PRKG1: variants seen among roughly 807,000 people sequenced by gnomAD.
PRKG1 encodes cGMP-dependent protein kinase 1.
PRKG1 carries 35 observed loss-of-function variants against 88.1 expected under a neutral mutation model. That is an observed-to-expected ratio of 0.40 (90% CI 0.30 to 0.53). The LOEUF (loss-of-function observed/expected upper bound fraction) is 0.53, where lower values mean the gene tolerates loss of function less well. Ranked by LOEUF, PRKG1 falls within the 20% of genes least tolerant of loss-of-function variation. The pLI, the probability that PRKG1 is intolerant of heterozygous loss-of-function variation, is 0.59. For missense variants in PRKG1, 540 were observed against 839.8 expected (o/e 0.64, Z 4.41); for synonymous variants, 303 against 292.5 (o/e 1.04, Z -0.37).
chr10:52,042,666 AT>A (rs1411511318), intron 5 of PRKG1, among the ~76,000 whole-genome samples: 2 of 152,166 alleles, frequency 1.3e-5, no homozygotes, highest in African/African-American at 2.4e-5. Context: ...GATCTGGGCA[AT>A]AATTTTTTAG....
At position 52,053,412 on chromosome 10, in the gene PRKG1, T is replaced by C. The variant is rs576701063; in HGVS notation, c.763-1072T>C. Among the ~76,000 whole-genome samples the C allele has an allele frequency of 1.6e-4, 24 of 152,312 alleles. No homozygotes were observed. The South Asian group carries it at 5.0e-3, about 32-fold the overall frequency. ...GCACTTTATGTGTTAAGAAAAACTG[T>C]ATTGAAGCATAAGGACAAATAACAA... On this transcript the variant is annotated intron_variant, in intron 5 of 17. Transcript: ENST00000373980.
chr10:51,003,442 C>T (rs1283537082), intron 1 of PRKG1, among the ~76,000 whole-genome samples: 2 of 152,130 alleles, frequency 1.3e-5, no homozygotes, highest in African/African-American at 4.8e-5. Flanking sequence ...AATCTCTGGG[C>T]TTCTTGATAT....
At chr10:51,711,984 T>C (rs1409604651) in intron 3 of PRKG1, among the ~76,000 whole-genome samples, 1 of 152,156 alleles carries the variant, frequency 6.6e-6, no homozygotes, top group African/African-American at 2.4e-5. Context: ...GGCTGAGGTT[T>C]CTATAATAAA....
chr10:51,689,960 CCTGAG>C (rs2132388448), intron 3 of PRKG1, among the ~76,000 whole-genome samples: 1 of 152,092 alleles, frequency 6.6e-6, no homozygotes, highest in East Asian at 1.9e-4. Flanking sequence ...TAAAGAAATA[CCTGAG>C]ATGGGGTAAT....
At chr10:51,509,570 C>T (rs1402095309) in intron 3 of PRKG1, among the ~76,000 whole-genome samples, 1 of 151,756 alleles carries the variant, frequency 6.6e-6, no homozygotes, top group African/African-American at 2.4e-5. Flanking sequence ...GAGATGGGGT[C>T]TCACTCTGTT....
Position 51,837,796 on chromosome 10 carries a change from G to A in PRKG1, c.698+33106G>A, listed in dbSNP as rs550154393. On this transcript the variant is annotated intron_variant, in intron 4 of 17. Coordinates refer to ENST00000373980, the MANE Select transcript of PRKG1 (RefSeq NM_006258.4). ...TCCATAACCCAATGCTTGGGCCCTA[G>A]TATACTCAGAGCAAATACTGATTAG... Among the ~76,000 whole-genome samples the A allele has an allele frequency of 3.9e-5, 6 of 152,260 alleles. No homozygotes were observed. The East Asian group carries it at 9.7e-4, about 25-fold the overall frequency.
chr10:51,055,912 TTCCTCTTGATTC>T (rs1189659260), intron 1 of PRKG1, among the ~76,000 whole-genome samples: 4 of 152,184 alleles, frequency 2.6e-5, no homozygotes, highest in African/African-American at 9.7e-5. Flanking sequence ...CTCCTTTTCT[TTCCTCTTGATTC>T]TACATTACTT....
chr10:51,161,343 T>C (rs1023052851), intron 2 of PRKG1, among the ~76,000 whole-genome samples: 5 of 152,182 alleles, frequency 3.3e-5, no homozygotes, highest in African/African-American at 1.2e-4. Flanking sequence ...TAAAACATCA[T>C]TATTGAAAAA....
intron 2 of PRKG1, among the ~76,000 whole-genome samples, chr10:51,427,446 G>C (rs1347037465): frequency 6.6e-6 from 1 of 152,112 alleles, no homozygotes; most frequent in Non-Finnish European, 1.5e-5. Flanking sequence ...TCACCAAAAG[G>C]CATGTGTGCT....
intron 3 of PRKG1, among the ~76,000 whole-genome samples, chr10:51,664,984 GA>G (rs953770783): frequency 6.6e-6 from 1 of 152,054 alleles, no homozygotes; most frequent in African/African-American, 2.4e-5. Context: ...TCATGGTTGG[GA>G]ACAGCAAATT....
chr10:51,295,576 A>C (rs1274952350), intron 2 of PRKG1, among the ~76,000 whole-genome samples: 1 of 152,018 alleles, frequency 6.6e-6, no homozygotes, highest in African/African-American at 2.4e-5. Context: ...TGTCATCTGC[A>C]AACAGAGATA....
At chr10:51,173,309 G>A (rs1365998632) in intron 2 of PRKG1, among the ~76,000 whole-genome samples, 1 of 151,910 alleles carries the variant, frequency 6.6e-6, no homozygotes, top group Non-Finnish European at 1.5e-5. Context: ...TAAAACTTCT[G>A]TTGAAGTATA....
At position 51,201,504 on chromosome 10, in the gene PRKG1, G is replaced by A. The variant is rs138979253; in HGVS notation, c.478+48174G>A. Among the ~76,000 whole-genome samples the A allele has an allele frequency of 2.0e-5, 3 of 152,134 alleles. No individual in the cohort carries two copies. In the East Asian group the frequency reaches 5.8e-4, roughly 29 times the overall value. ...GGAAAATGTAATATATCAAAGCCAT[G>A]TATTTTTATTTGTGTTTGTTCATTT... is the stretch of plus-strand genomic sequence containing the variant. On this transcript the variant is annotated intron_variant, in intron 2 of 17. Coordinates refer to ENST00000373980, the MANE Select transcript of PRKG1 (RefSeq NM_006258.4).
At chr10:51,049,983 C>T (rs999020680) in intron 1 of PRKG1, among the ~76,000 whole-genome samples, 6 of 152,052 alleles carry the variant, frequency 3.9e-5, no homozygotes, top group African/African-American at 1.4e-4. Context: ...CGTGTGGAAA[C>T]TCCAGTTTCC....
At chr10:51,539,815 T>C (rs904815506) in intron 3 of PRKG1, among the ~76,000 whole-genome samples, 3 of 152,170 alleles carry the variant, frequency 2.0e-5, no homozygotes, top group African/African-American at 7.2e-5. Flanking sequence ...GACTAGTTTG[T>C]TGATTACCTG....
intron 1 of PRKG1, among the ~76,000 whole-genome samples, chr10:51,047,586 CTT>C (rs1236829148): frequency 3.4e-5 from 5 of 145,024 alleles, no homozygotes; most frequent in African/African-American, 1.3e-4. Context: ...AGGTGACAGA[CTT>C]AACACAAAAC....
intron 1 of PRKG1, among the ~76,000 whole-genome samples, chr10:51,022,037 A>G (rs959966259): frequency 6.6e-6 from 1 of 152,234 alleles, no homozygotes; most frequent in Non-Finnish European, 1.5e-5. Context: ...ATGTGCAAGC[A>G]ACACATCTCT....
At chr10:52,115,795 A>G (rs1161741439) in intron 7 of PRKG1, among the ~76,000 whole-genome samples, 1 of 152,164 alleles carries the variant, frequency 6.6e-6, no homozygotes, top group Admixed American at 6.6e-5. Flanking sequence ...AACTTGGACT[A>G]TCTGGCTCAG....
At chr10:51,196,727 A>T (rs139747280) in intron 2 of PRKG1, among the ~76,000 whole-genome samples, 1 of 152,198 alleles carries the variant, frequency 6.6e-6, no homozygotes, top group Admixed American at 6.5e-5. Flanking sequence ...GTGACTCATA[A>T]CACACTGAAG....
Sources: allele counts gnomAD v4.1 joint callset (sites outside exome capture counted in the v4.1 genomes callset), GRCh38; gene constraint gnomAD v4.1.1; transcripts MANE v1.5; gene names NCBI Gene and HGNC (gene_info 2026-07-23, HGNC 2026-07-21).